Variants in AUTS2 observed in about 807,000 individuals in gnomAD.
The protein encoded by AUTS2 is activator of transcription and developmental regulator AUTS2.
A neutral mutation model predicts 112.4 loss-of-function variants in AUTS2; 17 were observed. That is an observed-to-expected ratio of 0.15 (90% CI 0.10 to 0.23). The LOEUF (loss-of-function observed/expected upper bound fraction) is 0.23, where lower values mean the gene tolerates loss of function less well. AUTS2 is among the 10% of genes least tolerant of loss of function. The pLI, the probability that AUTS2 is intolerant of heterozygous loss-of-function variation, is 1.00. For synonymous variants in AUTS2, 751 were observed against 702.7 expected (o/e 1.07, Z -1.09); for missense variants, 1,510 against 1,701.6 (o/e 0.89, Z 1.98).
chr7:69,715,227 TAAAAAAAAA>T (rs61555118), intron 1 of AUTS2, among the ~76,000 whole-genome samples: 2 of 129,430 alleles, frequency 1.5e-5, no homozygotes, highest in Admixed American at 7.9e-5. Context: ...CAGGCATAAG[TAAAAAAAAA>T]AAAAAAAAAA....
intron 4 of AUTS2, among the ~76,000 whole-genome samples, chr7:70,425,603 G>T (rs951937912): frequency 6.6e-6 from 1 of 152,210 alleles, no homozygotes; most frequent in Non-Finnish European, 1.5e-5. Flanking sequence ...ATCTTTGAGG[G>T]TCCTCAAGAA....
chr7:70,030,604 A>T (rs1800731017), intron 2 of AUTS2, among the ~76,000 whole-genome samples: 1 of 152,108 alleles, frequency 6.6e-6, no homozygotes, highest in Admixed American at 6.6e-5. Context: ...CCAATTAGAC[A>T]AGGACTAGCC....
At chr7:70,295,819 A>G (rs1282941579) in intron 4 of AUTS2, among the ~76,000 whole-genome samples, 1 of 152,150 alleles carries the variant, frequency 6.6e-6, no homozygotes. Flanking sequence ...TGTATGTTTC[A>G]AGTTTCATTT....
At chr7:70,231,657 A>T (rs1437032213) in intron 4 of AUTS2, among the ~76,000 whole-genome samples, 1 of 151,920 alleles carries the variant, frequency 6.6e-6, no homozygotes, top group Non-Finnish European at 1.5e-5. Context: ...GTTAGCCAGG[A>T]TGATCTCAAT....
At chr7:70,693,171 C>T (rs908113987) in intron 5 of AUTS2, among the ~76,000 whole-genome samples, 2 of 152,190 alleles carry the variant, frequency 1.3e-5, no homozygotes, top group Admixed American at 1.3e-4. Context: ...AGAGGGTTTC[C>T]TCGCCCGGGG....
intron 4 of AUTS2, among the ~76,000 whole-genome samples, chr7:70,184,508 T>C (rs2129581454): frequency 6.6e-6 from 1 of 152,340 alleles, no homozygotes; most frequent in East Asian, 1.9e-4. Context: ...TTGCTTGTAA[T>C]CCTTGTTTTT....
chr7:70,587,562 G>A (rs959753249), intron 5 of AUTS2, among the ~76,000 whole-genome samples: 3 of 152,218 alleles, frequency 2.0e-5, no homozygotes, highest in African/African-American at 7.2e-5. Context: ...TACAGCAAGT[G>A]ATTCCTGTAA....
chr7:70,159,669 T>C (rs1807973198), intron 4 of AUTS2, among the ~76,000 whole-genome samples: 1 of 152,184 alleles, frequency 6.6e-6, no homozygotes, highest in South Asian at 2.1e-4. Flanking sequence ...TTATGCATAT[T>C]TTCAAGGAAG....
intron 2 of AUTS2, among the ~76,000 whole-genome samples, chr7:70,089,849 A>G (rs1803815950): frequency 1.3e-5 from 2 of 151,900 alleles, no homozygotes; most frequent in East Asian, 3.9e-4. Flanking sequence ...TCTACTAAAA[A>G]TACAAAAATT....
At position 70,580,728 on chromosome 7, in the gene AUTS2, C is replaced by G. The variant is rs530359246; in HGVS notation, c.691-117841C>G. 2.6e-3 allele frequency among the ~76,000 whole-genome samples: 400 copies of G among 152,226 alleles called. 5 individuals carry two copies. Among genetic ancestry groups the G allele is most frequent in the African/African-American group, 9.2e-3 (382 of 41,530 alleles). ...CTTGAGAACATGGGAACACTACAAA[C>G]CTTCAAGGCAAATGGAAGAACAAAT... On this transcript the variant is annotated intron_variant, in intron 5 of 18. Coordinates refer to ENST00000342771, the MANE Select transcript of AUTS2 (RefSeq NM_015570.4).
rs1791778968 is a variant in AUTS2 at position 70,789,942 on chromosome 7, A to C, written c.2726A>C (p.His909Pro). 6.2e-7 allele frequency: 1 copy of C among 1,613,968 alleles called. No individual in the cohort carries two copies. Among genetic ancestry groups the C allele is most frequent in the Admixed American group, 1.7e-5 (1 of 60,020 alleles). Residue 909 changes from histidine (H) to proline (P), a missense_variant, in exon 19 of 19, where the codon CAC (histidine) becomes CCC (proline). Coordinates refer to ENST00000342771, the MANE Select transcript of AUTS2 (RefSeq NM_015570.4). Reference sequence around the variant, plus strand: ...CGCAAGGACCTGGCCGCCGACGAGCACAAGGCGAAAGAGGGCCACCTGCCC... The same window carrying C: ...CGCAAGGACCTGGCCGCCGACGAGCCCAAGGCGAAAGAGGGCCACCTGCCC... ...ESRKDLAADE[H>P]KAKEGHLPEK...
At chr7:70,333,890 G>A (rs1361657693) in intron 4 of AUTS2, among the ~76,000 whole-genome samples, 1 of 152,074 alleles carries the variant, frequency 6.6e-6, no homozygotes, top group African/African-American at 2.4e-5. Context: ...AAACTACCAT[G>A]GCATGTGTAT....
At chr7:69,727,004 AT>A (rs1786549322) in intron 1 of AUTS2, among the ~76,000 whole-genome samples, 1 of 152,118 alleles carries the variant, frequency 6.6e-6, no homozygotes, top group African/African-American at 2.4e-5. Flanking sequence ...GATAAGCAGA[AT>A]TTTTTAATTT....
chr7:70,124,474 T>A (rs760410383), intron 3 of AUTS2, among the ~76,000 whole-genome samples: 18 of 152,154 alleles, frequency 1.2e-4, no homozygotes, highest in Non-Finnish European at 2.4e-4. Context: ...TCTTCCAGGG[T>A]TTTTATAGTT....
intron 1 of AUTS2, among the ~76,000 whole-genome samples, chr7:69,867,385 G>A (rs1219898951): frequency 6.6e-6 from 1 of 152,182 alleles, no homozygotes; most frequent in East Asian, 1.9e-4. Context: ...TTAACAAGTA[G>A]ATTATATTGA....
chr7:70,721,465 A>AT (rs1361796063), intron 6 of AUTS2, among the ~76,000 whole-genome samples: 2 of 151,984 alleles, frequency 1.3e-5, no homozygotes, highest in African/African-American at 4.8e-5. Context: ...TGCCCGGCTG[A>AT]TTTTTTGTAC....
chr7:69,914,787 T>A (rs1473951881), intron 2 of AUTS2, among the ~76,000 whole-genome samples: 1 of 152,098 alleles, frequency 6.6e-6, no homozygotes, highest in South Asian at 2.1e-4. Flanking sequence ...TTTTTTACCA[T>A]GAGTACAAAC....
intron 1 of AUTS2, among the ~76,000 whole-genome samples, chr7:69,672,329 G>A (rs532487637): frequency 6.6e-6 from 1 of 152,276 alleles, no homozygotes; most frequent in Non-Finnish European, 1.5e-5. Flanking sequence ...AAAGTGTTGG[G>A]ATTATAGATG....
At chr7:69,727,468 T>TA (rs2129224908) in intron 1 of AUTS2, among the ~76,000 whole-genome samples, 1 of 152,222 alleles carries the variant, frequency 6.6e-6, no homozygotes, top group South Asian at 2.1e-4. Flanking sequence ...TGGGCACCTG[T>TA]AATCCCAGCT....
Sources: gnomAD v4.1 joint callset for allele counts (sites outside exome capture counted in the v4.1 genomes callset) on GRCh38, gnomAD v4.1.1 for gene constraint, MANE v1.5 for transcripts, NCBI Gene and HGNC (gene_info 2026-07-23, HGNC 2026-07-21) for gene names.